SLIT2: variants seen among roughly 807,000 people sequenced by gnomAD.
SLIT2 encodes slit guidance ligand 2, also known as slit homolog 2 protein.
A neutral mutation model predicts 185.7 loss-of-function variants in SLIT2; 41 were observed. The ratio of observed to expected loss-of-function variants is 0.22; its 90% CI spans 0.17 to 0.29. SLIT2 has a LOEUF of 0.29. Among genes scored for constraint, SLIT2 ranks in the 10% least tolerant of loss-of-function variants. The pLI is 1.00. For missense variants in SLIT2, 1,571 were observed against 1,909.0 expected (o/e 0.82, Z 3.30); for synonymous variants, 693 against 680.2 (o/e 1.02, Z -0.29).
At chr4:20,475,407 G>T (rs1715987797) in intron 5 of SLIT2, among the ~76,000 whole-genome samples, 1 of 150,486 alleles carries the variant, frequency 6.6e-6, no homozygotes. Flanking sequence ...TCATCTGCTG[G>T]TCTCTTCCAT....
At chr4:20,350,655 A>G (rs1161185374) in intron 4 of SLIT2, among the ~76,000 whole-genome samples, 1 of 152,204 alleles carries the variant, frequency 6.6e-6, no homozygotes, top group Non-Finnish European at 1.5e-5. Context: ...GCTAGTAACA[A>G]TTGTTCAGTT....
rs1729897094 is a variant in SLIT2 at position 20,618,998 on chromosome 4, T to C, written c.4579T>C (p.Cys1527Arg). The part of the protein sequence containing the change: ...EKVVKCGCTR[C>R]VS Reference sequence around the variant, plus strand: ...AGTGGTGAAGTGCGGCTGTACGAGGTGTGTGTCCTAAACACACTCCCGGCA... The same window carrying C: ...AGTGGTGAAGTGCGGCTGTACGAGGCGTGTGTCCTAAACACACTCCCGGCA... The change falls in exon 37 of 37, where the codon TGT (cysteine) becomes CGT (arginine). Residue 1527 changes from cysteine (C) to arginine (R), a missense_variant. By Grantham distance (180) the Cys-to-Arg change is radical. This residue lies in a region of SLIT2 where 223 missense variants were observed against 245.2 expected (regional missense o/e 0.91). Coordinates refer to ENST00000504154, the MANE Select transcript of SLIT2 (RefSeq NM_004787.4). 2 of 1,613,626 alleles carry C rather than the reference T, an allele frequency of 1.2e-6. No homozygotes were observed. Among genetic ancestry groups the C allele is most frequent in the Non-Finnish European group, 1.7e-6 (2 of 1,179,570 alleles).
intron 4 of SLIT2, among the ~76,000 whole-genome samples, chr4:20,432,162 G>A (rs1055253657): frequency 1.3e-5 from 2 of 152,020 alleles, no homozygotes; most frequent in African/African-American, 4.8e-5. Context: ...TTTTGCCTTC[G>A]GTGAACTGGC....
In SLIT2 at chr4:20,618,985, C is replaced by T. The variant is rs200637778; in HGVS notation, c.4566C>T (p.Cys1522=). 59 of 1,613,786 alleles carry T rather than the reference C, an allele frequency of 3.7e-5. No homozygotes were observed. Among genetic ancestry groups the T allele is most frequent in the Admixed American group, 2.0e-4 (12 of 59,990 alleles). Residue 1522 remains cysteine (C), a synonymous_variant, in exon 37 of 37, where the codon TGC becomes TGT. Coordinates refer to ENST00000504154, the MANE Select transcript of SLIT2 (RefSeq NM_004787.4). Reference sequence around the variant, plus strand: ...ACGAGGTTGAGAAAGTGGTGAAGTGCGGCTGTACGAGGTGTGTGTCCTAAA... The same window carrying T: ...ACGAGGTTGAGAAAGTGGTGAAGTGTGGCTGTACGAGGTGTGTGTCCTAAA... ...FVDEVEKVVK[C]GCTRCVS is the part of the protein sequence containing the mutation.
chr4:20,425,031 A>T (rs1318884518), intron 4 of SLIT2, among the ~76,000 whole-genome samples: 1 of 152,028 alleles, frequency 6.6e-6, no homozygotes, highest in Non-Finnish European at 1.5e-5. Flanking sequence ...TTCCCAAAGG[A>T]TGGTGTTTGC....
chr4:20,451,902 TAA>T lies in SLIT2; in HGVS notation c.396-15847_396-15846del, dbSNP rs779150007. Reference sequence around the variant, plus strand: ...TGTGAAGTGCTATGACATACATTATTAAAAGAGATTCAGTGTAAGTATGATGA... The same window carrying T: ...TGTGAAGTGCTATGACATACATTATTAAGAGATTCAGTGTAAGTATGATGA... On this transcript the variant is annotated intron_variant, in intron 4 of 36. Coordinates refer to ENST00000504154, the MANE Select transcript of SLIT2 (RefSeq NM_004787.4). Among the ~76,000 whole-genome samples the T allele has an allele frequency of 4.8e-4, 73 of 152,180 alleles. 2 individuals carry two copies. Among genetic ancestry groups the T allele is most frequent in the Admixed American group, 3.9e-3 (59 of 15,272 alleles).
rs73108675 is a variant in SLIT2, at chr4:20,511,123, C to T, written c.1044C>T (p.Arg348=). ...CACCAGATGCTTTCCAAGGACTACGCTCTCTGAATTCACTGTAAGTATTCA... is the reference window on the plus strand; with the variant it reads ...CACCAGATGCTTTCCAAGGACTACGTTCTCTGAATTCACTGTAAGTATTCA... ...ELAPDAFQGL[R]SLNSLVLYGN... The change falls in exon 11 of 37, where the codon CGC becomes CGT. Residue 348 remains arginine (R), a synonymous_variant. Coordinates refer to ENST00000504154, the MANE Select transcript of SLIT2 (RefSeq NM_004787.4). 3.8e-3 allele frequency: 6,141 copies of T among 1,597,794 alleles called. 187 individuals are homozygous for T. In the African/African-American group the frequency reaches 0.069, roughly 18 times the overall value.
chr4:20,578,597 A>G (rs555429341), intron 29 of SLIT2, among the ~76,000 whole-genome samples: 11 of 152,314 alleles, frequency 7.2e-5, no homozygotes, highest in East Asian at 1.9e-4. Context: ...TCGTACATCT[A>G]TGATATCCAG....
At chr4:20,527,858 A>G (rs1014350989) in intron 15 of SLIT2, among the ~76,000 whole-genome samples, 1 of 152,012 alleles carries the variant, frequency 6.6e-6, no homozygotes, top group African/African-American at 2.4e-5. Context: ...GGAATTCACC[A>G]TTTTGGCTGT....
intron 25 of SLIT2, among the ~76,000 whole-genome samples, 171 bp downstream of exon 25, chr4:20,551,069 C>G (rs116820943): frequency 0.026 from 3,911 of 152,294 alleles, 115 homozygotes; most frequent in Admixed American, 0.082. Flanking sequence ...TGCAAGATGG[C>G]TTTAATTTTC....
intron 30 of SLIT2, among the ~76,000 whole-genome samples, chr4:20,589,961 A>C (rs574912048): frequency 7.7e-6 from 1 of 130,310 alleles, no homozygotes; most frequent in East Asian, 2.3e-4. Flanking sequence ...GCTGGAGTGC[A>C]GTGGCACGAT....
chr4:20,538,491 A>C (rs1722505895), intron 18 of SLIT2, among the ~76,000 whole-genome samples: 2 of 152,200 alleles, frequency 1.3e-5, no homozygotes, highest in Admixed American at 6.5e-5. Flanking sequence ...TAGAATTTTA[A>C]AGTGACACTT....
intron 30 of SLIT2, among the ~76,000 whole-genome samples, chr4:20,595,029 G>A (rs1727860043): frequency 1.3e-5 from 2 of 152,124 alleles, no homozygotes; most frequent in African/African-American, 2.4e-5. Flanking sequence ...CATCAATGCA[G>A]CCAAGACCCT....
chr4:20,548,114 G>GC (rs927931298), intron 22 of SLIT2, among the ~76,000 whole-genome samples: 2 of 151,968 alleles, frequency 1.3e-5, no homozygotes, highest in Non-Finnish European at 2.9e-5. Context: ...TTTGTCTATC[G>GC]CAAGTCACCT....
chr4:20,411,328 C>T (rs993939793), intron 4 of SLIT2, among the ~76,000 whole-genome samples: 1 of 152,120 alleles, frequency 6.6e-6, no homozygotes, highest in Non-Finnish European at 1.5e-5. Context: ...TTTCATTTAA[C>T]AATGGTAACC....
intron 26 of SLIT2, among the ~76,000 whole-genome samples, chr4:20,561,158 G>A (rs1724657445): frequency 6.6e-6 from 1 of 151,776 alleles, no homozygotes; most frequent in Non-Finnish European, 1.5e-5. Flanking sequence ...TGGTAGCCAT[G>A]AGCTCAAAAG....
intron 4 of SLIT2, among the ~76,000 whole-genome samples, chr4:20,278,471 T>C (rs891187927): frequency 1.3e-5 from 2 of 152,014 alleles, no homozygotes; most frequent in Non-Finnish European, 2.9e-5. Context: ...CTGCAAACTT[T>C]CCTCATTTTT....
At chr4:20,362,937 T>TA (rs146257477) in intron 4 of SLIT2, among the ~76,000 whole-genome samples, 34,191 of 151,482 alleles carry the variant, frequency 0.23, 4,120 homozygotes, top group Non-Finnish European at 0.27. Context: ...TTTTTTTTTT[T>TA]AAAAAAGGGA....
chr4:20,311,374 T>C (rs1718090318), intron 4 of SLIT2, among the ~76,000 whole-genome samples: 1 of 152,222 alleles, frequency 6.6e-6, no homozygotes, highest in South Asian at 2.1e-4. Flanking sequence ...TTGAAAAATG[T>C]GATGAAATAA....
Sources: allele counts gnomAD v4.1 joint callset (sites outside exome capture counted in the v4.1 genomes callset), GRCh38; gene constraint gnomAD v4.1.1; regional missense constraint gnomAD v4.1.1; transcripts MANE v1.5; gene names NCBI Gene and HGNC (gene_info 2026-07-23, HGNC 2026-07-21).